PRMT3: variants seen among roughly 807,000 people sequenced by gnomAD.
PRMT3 encodes the protein protein arginine N-methyltransferase 3.
In PRMT3, 62 loss-of-function variants were observed where a neutral mutation model predicts 71.9. The observed-to-expected ratio is 0.86, with a 90% CI of 0.70 to 1.07. PRMT3 has a LOEUF of 1.07. Ranked by LOEUF, PRMT3 falls within the 50% of genes least tolerant of loss-of-function variation. The pLI is 0.00. For missense variants in PRMT3, 663 were observed against 643.0 expected (o/e 1.03, Z -0.34); for synonymous variants, 213 against 220.4 (o/e 0.97, Z 0.30).
At chr11:20,438,964 G>A (rs141217818) in intron 10 of PRMT3, among the ~76,000 whole-genome samples, 4 of 152,270 alleles carry the variant, frequency 2.6e-5, no homozygotes, top group African/African-American at 7.2e-5. Context: ...TACGTGTAAG[G>A]GTGTAACAGC....
rs896473319 is a variant in PRMT3 at position 20,438,857 on chromosome 11, C to G, written c.993+11992C>G. Reference sequence around the variant, plus strand: ...AGGGGTGTTACTGCTCTGAGTGGCCCCAGTACTCTTTTCCCAGGAGGCAGC... The same window carrying G: ...AGGGGTGTTACTGCTCTGAGTGGCCGCAGTACTCTTTTCCCAGGAGGCAGC... On this transcript the variant is annotated intron_variant, in intron 10 of 15. Coordinates refer to ENST00000331079, the MANE Select transcript of PRMT3 (RefSeq NM_005788.4). Among the ~76,000 whole-genome samples the G allele has an allele frequency of 4.6e-5, 7 of 152,144 alleles. No individual in the cohort carries two copies. The South Asian group carries it at 1.4e-3, about 32-fold the overall frequency.
At chr11:20,408,401 G>A (rs1590041588) in intron 9 of PRMT3, among the ~76,000 whole-genome samples, 2 of 151,936 alleles carry the variant, frequency 1.3e-5, no homozygotes, top group South Asian at 4.2e-4. Context: ...ATTTTCTTTA[G>A]CAAATACCAG....
intron 15 of PRMT3, among the ~76,000 whole-genome samples, chr11:20,506,624 C>A: frequency 6.6e-6 from 1 of 152,084 alleles, no homozygotes; most frequent in Non-Finnish European, 1.5e-5. Context: ...AGATAATTTT[C>A]CTTGAATATG....
chr11:20,479,325 T>C (rs1850872341), intron 13 of PRMT3, among the ~76,000 whole-genome samples: 1 of 152,170 alleles, frequency 6.6e-6, no homozygotes, highest in African/African-American at 2.4e-5. Flanking sequence ...ATTGGGAATG[T>C]AGTAACAAGC....
At chr11:20,493,020 G>C (rs1035704813) in intron 13 of PRMT3, among the ~76,000 whole-genome samples, 1 of 152,088 alleles carries the variant, frequency 6.6e-6, no homozygotes, top group African/African-American at 2.4e-5. Context: ...GGTGGCGCAC[G>C]CCTGTGGTCC....
At chr11:20,508,022 C>T (rs1425071104) in intron 15 of PRMT3, among the ~76,000 whole-genome samples, 1 of 151,962 alleles carries the variant, frequency 6.6e-6, no homozygotes, top group Non-Finnish European at 1.5e-5. Flanking sequence ...AGGAAAATCT[C>T]TTGAACCCAG....
At chr11:20,411,475 G>A (rs1355958838) in intron 9 of PRMT3, among the ~76,000 whole-genome samples, 2 of 152,014 alleles carry the variant, frequency 1.3e-5, no homozygotes, top group African/African-American at 4.8e-5. Context: ...AAGATTTCCT[G>A]CTAGCTCCAA....
chr11:20,403,638 T>G (rs6483675), intron 8 of PRMT3, among the ~76,000 whole-genome samples: 3 of 151,778 alleles, frequency 2.0e-5, no homozygotes, highest in East Asian at 3.9e-4. Context: ...TCTTTTCCTC[T>G]CTTTATACAT....
At chr11:20,472,999 A>G (rs1276115728) in intron 13 of PRMT3, among the ~76,000 whole-genome samples, 1 of 151,952 alleles carries the variant, frequency 6.6e-6, no homozygotes, top group East Asian at 1.9e-4. Flanking sequence ...CCAGGAATTT[A>G]TCCATTTCTT....
chr11:20,409,480 T>C (rs113034367), intron 9 of PRMT3, among the ~76,000 whole-genome samples: 4,386 of 152,284 alleles, frequency 0.029, 217 homozygotes, highest in African/African-American at 0.099. Flanking sequence ...CTAAGTAAGA[T>C]ATACATATAA....
intron 13 of PRMT3, among the ~76,000 whole-genome samples, chr11:20,487,802 C>G (rs1851112557): frequency 6.6e-6 from 1 of 152,140 alleles, no homozygotes; most frequent in Admixed American, 6.5e-5. Context: ...ATTCGTGTTA[C>G]AGACTCTGAA....
At chr11:20,491,753 T>TTTGAGCTTAGAGCAAAA (rs1166742739) in intron 13 of PRMT3, among the ~76,000 whole-genome samples, 3 of 152,214 alleles carry the variant, frequency 2.0e-5, no homozygotes, top group Non-Finnish European at 4.4e-5. Flanking sequence ...TTTAGTTCAA[T>TTTGAGCTTAGAGCAAAA]GCTCTAAGCT....
rs554994698 is a variant in PRMT3, at chr11:20,493,392, A to G, written c.1348-527A>G. ...TGTTTTAATTATTTATTGCTATGTA[A>G]TAGCCCATCTCAGAACTCTGGCTTG... On this transcript the variant is annotated intron_variant, in intron 13 of 15. Coordinates refer to ENST00000331079, the MANE Select transcript of PRMT3 (RefSeq NM_005788.4). Among the ~76,000 whole-genome samples, 11 of 152,366 alleles carry G rather than the reference A, an allele frequency of 7.2e-5. No homozygotes were observed. The South Asian group carries it at 8.3e-4, about 11-fold the overall frequency.
chr11:20,492,680 A>C (rs938747334), intron 13 of PRMT3, among the ~76,000 whole-genome samples: 1 of 152,214 alleles, frequency 6.6e-6, no homozygotes, highest in South Asian at 2.1e-4. Flanking sequence ...GCTAGTTCCA[A>C]TAGTGAAAGA....
intron 13 of PRMT3, among the ~76,000 whole-genome samples, chr11:20,475,077 C>T (rs1850747471): frequency 6.6e-6 from 1 of 152,194 alleles, no homozygotes; most frequent in Admixed American, 6.5e-5. Context: ...AGCACATCTA[C>T]TACAAGTATC....
chr11:20,427,971 T>C (rs1849583358), intron 10 of PRMT3, among the ~76,000 whole-genome samples: 1 of 152,222 alleles, frequency 6.6e-6, no homozygotes, highest in Admixed American at 6.5e-5. Flanking sequence ...AATAGATGTT[T>C]CAAGGAACTT....
chr11:20,388,277 C>T (rs952414692), intron 2 of PRMT3, 123 bp downstream of exon 2: 2 of 1,415,850 alleles, frequency 1.4e-6, no homozygotes, highest in Middle Eastern at 2.2e-4. Context: ...TCTGGAACCA[C>T]TGGTCTGGGG....
intron 14 of PRMT3, 56 bp from the exon 15 acceptor site, chr11:20,494,111 C>A (rs951152490): frequency 6.6e-6 from 10 of 1,505,664 alleles, no homozygotes; most frequent in Middle Eastern, 1.7e-4. Context: ...GATTAATGTA[C>A]CATGATATTA....
chr11:20,395,035 A>G (rs1848794922), intron 5 of PRMT3, among the ~76,000 whole-genome samples: 2 of 152,196 alleles, frequency 1.3e-5, no homozygotes, highest in Admixed American at 6.5e-5. Flanking sequence ...ATAAACAGAT[A>G]TATAACTTTA....
Sources: allele counts gnomAD v4.1 joint callset (sites outside exome capture counted in the v4.1 genomes callset), GRCh38; gene constraint gnomAD v4.1.1; transcripts MANE v1.5; gene names NCBI Gene and HGNC (gene_info 2026-07-23, HGNC 2026-07-21).